Variants in RPTOR observed in about 807,000 individuals in gnomAD.
The protein encoded by RPTOR is regulatory associated protein of MTOR complex 1, also known as regulatory-associated protein of mTOR.
Under a neutral mutation model 169.9 loss-of-function variants are expected in RPTOR, and 21 were observed. The observed-to-expected ratio is 0.12, with a 90% CI of 0.09 to 0.18. The LOEUF (loss-of-function observed/expected upper bound fraction) is 0.18, where lower values mean the gene tolerates loss of function less well. RPTOR is among the 10% of genes least tolerant of loss of function. RPTOR has a pLI of 1.00. For missense variants in RPTOR, 1,133 were observed against 1,855.9 expected, an observed-to-expected ratio of 0.61 and a Z score of 7.16; for synonymous variants, 732 against 753.2, an observed-to-expected ratio of 0.97 and a Z score of 0.46.
In RPTOR at chr17:80,929,462, A is replaced by C. The variant is rs540934124; in HGVS notation, c.2919+3982A>C. 1.5e-4 allele frequency among the ~76,000 whole-genome samples: 14 copies of C among 96,272 alleles called. No individual in the cohort carries two copies. In the South Asian group the frequency reaches 3.6e-3, roughly 25 times the overall value. 63.2% of individuals were successfully genotyped at this position (96,272 alleles called of 152,430 possible). A position where few individuals can be genotyped will look rare whatever the true frequency, so the allele number is the denominator to read the frequency against. ...TAGTTTTGCAATTTAAAACAGACTAAAATACCATTTTTAATTATAAAAAGC... is the reference window on the plus strand; with the variant it reads ...TAGTTTTGCAATTTAAAACAGACTACAATACCATTTTTAATTATAAAAAGC... On this transcript the variant is annotated intron_variant, in intron 24 of 33. Transcript: ENST00000306801.
intron 3 of RPTOR, among the ~76,000 whole-genome samples, chr17:80,699,100 A>T (rs184022445): frequency 6.6e-6 from 1 of 152,378 alleles, no homozygotes; most frequent in East Asian, 1.9e-4. Context: ...ACTCCAACCC[A>T]TCAAAATGGA....
intron 21 of RPTOR, among the ~76,000 whole-genome samples, chr17:80,922,075 G>A (rs1004587923): frequency 6.6e-6 from 1 of 152,220 alleles, no homozygotes; most frequent in African/African-American, 2.4e-5. Flanking sequence ...GACAGTTTCT[G>A]TGGCCTCCTG....
chr17:80,916,112 A>G, intron 21 of RPTOR, among the ~76,000 whole-genome samples: 1 of 152,188 alleles, frequency 6.6e-6, no homozygotes, highest in South Asian at 2.1e-4. Context: ...TGTCAGGGCT[A>G]CAAGAGCTCT....
Position 80,609,004 on chromosome 17 carries a change from G to A in RPTOR, c.163-16687G>A, listed in dbSNP as rs1282756363. Among the ~76,000 whole-genome samples, 1 of 152,208 alleles carries A rather than the reference G, an allele frequency of 6.6e-6. No individual in the cohort carries two copies. The highest frequency in any genetic ancestry group is 1.5e-5 in the Non-Finnish European group (1 of 68,030). ...CTAGGAGGTGTTACAATGACAAGAAGAAGTCAGAGTGGGCAGGAGGCACTA... is the reference window on the plus strand; with the variant it reads ...CTAGGAGGTGTTACAATGACAAGAAAAAGTCAGAGTGGGCAGGAGGCACTA... On this transcript the variant is annotated intron_variant, in intron 1 of 33. Coordinates refer to ENST00000306801, the MANE Select transcript of RPTOR (RefSeq NM_020761.3). This position sits in a 1 kb window ranked among gnomAD's most constrained non-coding sequence, Gnocchi z 4.8.
intron 1 of RPTOR, among the ~76,000 whole-genome samples, chr17:80,613,730 G>A (rs908474928): frequency 2.0e-5 from 3 of 148,532 alleles, no homozygotes; most frequent in East Asian, 4.0e-4. Flanking sequence ...GGGCTGGGCC[G>A]CGTGTTGTGT....
chr17:80,566,636 C>T (rs778333471), intron 1 of RPTOR, among the ~76,000 whole-genome samples: 16 of 151,298 alleles, frequency 1.1e-4, no homozygotes, highest in East Asian at 3.9e-4. Flanking sequence ...CTGGCTAATA[C>T]GGTGAAACCC....
chr17:80,805,257 GC>G (rs904090616), intron 7 of RPTOR: 1 of 152,294 alleles, frequency 6.6e-6, no homozygotes, highest in African/African-American at 2.4e-5. Context: ...AGAGCTCCAC[GC>G]CCCATCCTGG....
At chr17:80,868,454 A>T (rs2068016900) in intron 13 of RPTOR, among the ~76,000 whole-genome samples, 1 of 152,248 alleles carries the variant, frequency 6.6e-6, no homozygotes, top group Non-Finnish European at 1.5e-5. Flanking sequence ...CACCAAGTAG[A>T]TGCCTAAGAA....
chr17:80,625,331 A>C (rs1053773242), intron 1 of RPTOR, among the ~76,000 whole-genome samples: 1 of 152,108 alleles, frequency 6.6e-6, no homozygotes, highest in African/African-American at 2.4e-5. Context: ...TGGGAGTGTA[A>C]ATTTGTGTAA....
chr17:80,869,617 T>C (rs1249184415), intron 13 of RPTOR, among the ~76,000 whole-genome samples: 1 of 152,168 alleles, frequency 6.6e-6, no homozygotes, highest in Admixed American at 6.5e-5. Flanking sequence ...AATTTGACTC[T>C]GGACTGCGTG....
Position 80,823,936 on chromosome 17 carries a change from C to A in RPTOR, c.1136+713C>A, listed in dbSNP as rs941079086. ...TCATCAATGGGAGAAACCCTAACAA[C>A]ACAAATATTTTTAAAAGAGCGATTA... On this transcript the variant is annotated intron_variant, in intron 9 of 33. Coordinates refer to ENST00000306801, the MANE Select transcript of RPTOR (RefSeq NM_020761.3). This position sits in a 1 kb window ranked among gnomAD's most constrained non-coding sequence, Gnocchi z 4.5. 6.6e-6 allele frequency among the ~76,000 whole-genome samples: 1 copy of A among 152,178 alleles called. No homozygotes were observed. The highest frequency in any genetic ancestry group is 6.5e-5 in the Admixed American group (1 of 15,280).
At chr17:80,697,938 C>G (rs1038947610) in intron 3 of RPTOR, among the ~76,000 whole-genome samples, 3 of 152,116 alleles carry the variant, frequency 2.0e-5, no homozygotes, top group African/African-American at 7.2e-5. Context: ...ATTCCTGTGA[C>G]CCACTGGGCA....
chr17:80,634,361 G>GCA (rs1567830688), intron 2 of RPTOR, among the ~76,000 whole-genome samples: 13 of 89,988 alleles, frequency 1.4e-4, no homozygotes, highest in African/African-American at 3.8e-4. Context: ...TGCGTACTGT[G>GCA]TGTGCATACT....
chr17:80,563,499 A>G (rs893175534), intron 1 of RPTOR, among the ~76,000 whole-genome samples: 6 of 128,630 alleles, frequency 4.7e-5, no homozygotes, highest in South Asian at 2.6e-4. Context: ...CAGGAAGCAG[A>G]GGTTGTGGTG....
chr17:80,841,360 T>A (rs1265252787), intron 10 of RPTOR, among the ~76,000 whole-genome samples: 2 of 76,348 alleles, frequency 2.6e-5, no homozygotes, highest in African/African-American at 5.7e-5. Context: ...TCGCTCTCTC[T>A]GCACCGCAGC....
chr17:80,603,491 T>C (rs887434082), intron 1 of RPTOR, among the ~76,000 whole-genome samples: 10 of 152,142 alleles, frequency 6.6e-5, no homozygotes, highest in African/African-American at 2.4e-4. Flanking sequence ...GAAAAGTTGA[T>C]TATTGTTTGG....
chr17:80,897,898 AAAAAC>A (rs138897599), intron 20 of RPTOR, among the ~76,000 whole-genome samples: 2,811 of 152,202 alleles, frequency 0.018, 78 homozygotes, highest in African/African-American at 0.065. Context: ...ATCTCAAAAC[AAAAAC>A]AAAACAAAAC....
chr17:80,779,142 C>A (rs955250812), intron 6 of RPTOR, among the ~76,000 whole-genome samples: 4 of 152,234 alleles, frequency 2.6e-5, no homozygotes, highest in Admixed American at 2.0e-4. Flanking sequence ...TCATCACAGA[C>A]CCCAAGCTGA....
At chr17:80,678,701 AGTTGTTT>A (rs1366352330) in intron 3 of RPTOR, among the ~76,000 whole-genome samples, 1 of 152,210 alleles carries the variant, frequency 6.6e-6, no homozygotes, top group Non-Finnish European at 1.5e-5. Flanking sequence ...CAGATTGTGC[AGTTGTTT>A]GTTGGTTCTT....
Sources: allele counts gnomAD v4.1 joint callset (sites outside exome capture counted in the v4.1 genomes callset), GRCh38; gene constraint gnomAD v4.1.1; non-coding constraint Gnocchi (gnomAD v3.1); transcripts MANE v1.5; gene names NCBI Gene and HGNC (gene_info 2026-07-23, HGNC 2026-07-21).